The following PKDCC variants were observed in gnomAD, a reference collection of about 807,000 sequenced individuals.
PKDCC encodes the protein extracellular tyrosine-protein kinase PKDCC.
PKDCC carries 35 observed loss-of-function variants against 44.7 expected under a neutral mutation model. That is an observed-to-expected ratio of 0.78 (90% CI 0.60 to 1.04). PKDCC has a LOEUF of 1.04. PKDCC is among the 50% of genes least tolerant of loss of function. PKDCC has a pLI of 0.00. For missense variants in PKDCC, 738 were observed against 672.7 expected (o/e 1.10, Z -1.07); for synonymous variants, 353 against 303.3 (o/e 1.16, Z -1.70).
chr2:42,049,421 G>A (rs1667931506), intron 1 of PKDCC, among the ~76,000 whole-genome samples: 1 of 152,072 alleles, frequency 6.6e-6, no homozygotes, highest in African/African-American at 2.4e-5. Flanking sequence ...AGGGGGCTGG[G>A]GAGCAGGCTA....
In PKDCC at chr2:42,055,998, G is replaced by C. The variant is rs2103931557; in HGVS notation, c.1222+605G>C. ...AAGCCCTGGGGTTTAGCTGGGGTTGGCAGGGGTTGAGGGGTGAGCAGGTTT... is the reference window on the plus strand; with the variant it reads ...AAGCCCTGGGGTTTAGCTGGGGTTGCCAGGGGTTGAGGGGTGAGCAGGTTT... On this transcript the variant is annotated intron_variant, in intron 5 of 6. Coordinates refer to ENST00000294964, the MANE Select transcript of PKDCC (RefSeq NM_138370.3). The surrounding 1 kb of genome is among the most constrained non-coding windows in gnomAD (Gnocchi z 4.5). Among the ~76,000 whole-genome samples, 1 of 152,298 alleles carries C rather than the reference G, an allele frequency of 6.6e-6. No homozygotes were observed. The highest frequency in any genetic ancestry group is 2.1e-4 in the South Asian group (1 of 4,826).
chr2:42,054,829 C>G lies in PKDCC; in HGVS notation c.1035-112C>G, dbSNP rs1668026159. On this transcript the variant is annotated intron_variant, in intron 3 of 6. Coordinates refer to ENST00000294964, the MANE Select transcript of PKDCC (RefSeq NM_138370.3). This position sits in a 1 kb window ranked among gnomAD's most constrained non-coding sequence, Gnocchi z 6.1. ...CACTGCGTTCTGCCTGGTTGCTAGG[C>G]CTGAGGGATCCGGCTCCCTGGCCAG... 9 of 1,003,782 alleles carry G rather than the reference C, an allele frequency of 9.0e-6. 1 individual carries two copies. In the South Asian group the frequency reaches 1.2e-4, roughly 14 times the overall value. The allele number at this position is 1,003,782 out of a possible 1,614,324, so 62.2% of individuals were successfully genotyped here. A position where few individuals can be genotyped will look rare whatever the true frequency, so the allele number is the denominator to read the frequency against.
chr2:42,057,348 T>A lies in PKDCC; in HGVS notation c.1350T>A (p.His450Gln). The change falls in exon 6 of 7, where the codon CAT becomes CAA. Residue 450 changes from histidine to glutamine, a missense_variant. Transcript: ENST00000294964. ...LAEAVDVCES[H>Q]AQCRAFVVTN... ...AGGCTGTGGATGTCTGTGAGAGCCA[T>A]GCCCAGTGTCGGGCCTTTGTGGTCA... is the stretch of plus-strand genomic sequence containing the variant. 1 of 1,614,208 alleles carries A rather than the reference T, an allele frequency of 6.2e-7. No individual in the cohort carries two copies. The highest frequency in any genetic ancestry group is 8.5e-7 in the Non-Finnish European group (1 of 1,180,038).
In PKDCC at chr2:42,057,219, A is replaced by G. The variant is rs113026646; in HGVS notation, c.1223-2A>G. On this transcript the variant is annotated splice_acceptor_variant, in intron 5 of 6. Coordinates refer to ENST00000294964, the MANE Select transcript of PKDCC (RefSeq NM_138370.3). LOFTEE classifies it high-confidence loss of function. ...TCATTTTACTCCATCCCCAACCCAC[A>G]GAGTACCAGTGTATCCCAGACAGCA... 6.2e-7 allele frequency: 1 copy of G among 1,613,988 alleles called. No individual in the cohort carries two copies. The highest frequency in any genetic ancestry group is 8.5e-7 in the Non-Finnish European group (1 of 1,179,866).
In PKDCC at chr2:42,048,256, C is replaced by A. The variant is rs1667900817; in HGVS notation, c.57C>A (p.Gly19=). ...GTTTCTGCGCCTCCTTCCTGCTGGGCTCCGTCCTCAACGTGCTCTTCGCTC... is the reference window on the plus strand; with the variant it reads ...GTTTCTGCGCCTCCTTCCTGCTGGGATCCGTCCTCAACGTGCTCTTCGCTC... ...AAGFCASFLL[G]SVLNVLFAPG... The change falls in exon 1 of 7, where the codon GGC becomes GGA. Residue 19 remains glycine (G), a synonymous_variant. Coordinates refer to ENST00000294964, the MANE Select transcript of PKDCC (RefSeq NM_138370.3). The surrounding 1 kb of genome is among the most constrained non-coding windows in gnomAD (Gnocchi z 6.2). 7.8e-7 allele frequency: 1 copy of A among 1,284,486 alleles called. No homozygotes were observed. The highest frequency in any genetic ancestry group is 3.8e-5 in the East Asian group (1 of 26,446). 79.6% of individuals were successfully genotyped at this position (1,284,486 alleles called of 1,614,324 possible). A position where few individuals can be genotyped will look rare whatever the true frequency, so the allele number is the denominator to read the frequency against.
rs377080718 is a variant in PKDCC, at chr2:42,053,236, C to T, written c.640-3C>T. 3.4e-5 allele frequency: 55 copies of T among 1,607,170 alleles called. No individual in the cohort carries two copies. In the African/African-American group the frequency reaches 6.7e-4, roughly 20 times the overall value. ...CTAATGACCTGCCCTCGGCTTTCCC[C>T]AGCTCTATGGCTACTGCTACCAGGA... On this transcript the variant is annotated splice_region_variant and splice_polypyrimidine_tract_variant and intron_variant, in intron 1 of 6. Transcript: ENST00000294964.
chr2:42,049,752 C>T (rs1330617546), intron 1 of PKDCC, among the ~76,000 whole-genome samples: 1 of 152,224 alleles, frequency 6.6e-6, no homozygotes, highest in African/African-American at 2.4e-5. Flanking sequence ...ACCGCCCTAA[C>T]ACTCCACGTC....
chr2:42,053,689 G>T, intron 2 of PKDCC: 2 of 518,908 alleles, frequency 3.9e-6, no homozygotes, highest in Non-Finnish European at 6.8e-6. Context: ...AACTAGGAAA[G>T]ACCTTAATAC....
chr2:42,056,056 T>C (rs1668048144), intron 5 of PKDCC, among the ~76,000 whole-genome samples: 1 of 151,984 alleles, frequency 6.6e-6, no homozygotes, highest in East Asian at 1.9e-4. Flanking sequence ...GTCTTAGGGG[T>C]GGGGGAGCCC....
intron 5 of PKDCC, 26 bp from the exon 6 acceptor site, chr2:42,057,195 C>T: frequency 1.2e-6 from 2 of 1,611,912 alleles, no homozygotes; most frequent in East Asian, 2.2e-5. Context: ...ACAGAATTCT[C>T]ATTTTACTCC....
Position 42,051,662 on chromosome 2 carries a change from C to A in PKDCC, c.640-1577C>A, listed in dbSNP as rs571131180. Among the ~76,000 whole-genome samples the A allele has an allele frequency of 6.6e-6, 1 of 152,116 alleles. No homozygotes were observed. Among genetic ancestry groups the A allele is most frequent in the Non-Finnish European group, 1.5e-5 (1 of 67,998 alleles). On this transcript the variant is annotated intron_variant, in intron 1 of 6. Transcript: ENST00000294964. The surrounding 1 kb of genome is among the most constrained non-coding windows in gnomAD (Gnocchi z 4.2). ...AGGGCTGTTCCCCTTACCTTCCCCC[C>A]ACCCCACCAGGGTCTGGGGCTTCCC... is the stretch of plus-strand genomic sequence containing the variant.
At chr2:42,053,152 G>A in intron 1 of PKDCC, 87 bp from the exon 2 acceptor site, 1 of 1,402,244 alleles carries the variant, frequency 7.1e-7, no homozygotes, top group East Asian at 2.3e-5. Flanking sequence ...ATGGTGGGAG[G>A]AGAGAGAGGG....
rs1266841826 is a variant in PKDCC at position 42,053,460 on chromosome 2, A to G, written c.762+99A>G. The G allele has an allele frequency of 6.9e-6, 10 of 1,452,246 alleles. No homozygotes were observed. The African/African-American group carries it at 8.6e-5, about 12-fold the overall frequency. 90.0% of individuals were successfully genotyped at this position (1,452,246 alleles called of 1,614,324 possible). ...AGCAGCTCCCACTCCTCCTCCACCC[A>G]GGGAGAGGGAGGGGAGGAAGGCGCA... On this transcript the variant is annotated intron_variant, in intron 2 of 6. Coordinates refer to ENST00000294964, the MANE Select transcript of PKDCC (RefSeq NM_138370.3).
At position 42,054,402 on chromosome 2, in the gene PKDCC, G is replaced by A; in HGVS notation, c.1034+95G>A. 1 of 1,430,344 alleles carries A rather than the reference G, an allele frequency of 7.0e-7. No individual in the cohort carries two copies. The highest frequency in any genetic ancestry group is 9.5e-7 in the Non-Finnish European group (1 of 1,057,742). The allele number at this position is 1,430,344 out of a possible 1,614,324, so 88.6% of individuals were successfully genotyped here. On this transcript the variant is annotated intron_variant, in intron 3 of 6. Coordinates refer to ENST00000294964, the MANE Select transcript of PKDCC (RefSeq NM_138370.3). The surrounding 1 kb of genome is among the most constrained non-coding windows in gnomAD (Gnocchi z 6.1). ...GCCAACGTGGAGGCCAGCTGGGCAG[G>A]GAGACTCAGCCTTGACCAGAGCAAG... is the stretch of plus-strand genomic sequence containing the variant.
Position 42,057,978 on chromosome 2 carries a change from C to G in PKDCC, c.*290C>G, listed in dbSNP as rs1034046231. The G allele has an allele frequency of 9.0e-5, 41 of 454,768 alleles. No individual in the cohort carries two copies. Among genetic ancestry groups the G allele is most frequent in the Non-Finnish European group, 2.4e-5 (6 of 250,982 alleles). The allele number at this position is 454,768 out of a possible 1,614,324, so 28.2% of individuals were successfully genotyped here. A position where few individuals can be genotyped will look rare whatever the true frequency, so the allele number is the denominator to read the frequency against. Reference sequence around the variant, plus strand: ...AAGCAAGCTCAGGCTAGTCTCCCCACTGGGGGCTGTGCCCCTCCCTGGGAC... The same window carrying G: ...AAGCAAGCTCAGGCTAGTCTCCCCAGTGGGGGCTGTGCCCCTCCCTGGGAC... On this transcript the variant is annotated 3_prime_UTR_variant, in exon 7 of 7. Transcript: ENST00000294964.
rs1421204784 is a variant in PKDCC, at chr2:42,048,609, A to G, written c.410A>G (p.Asn137Ser). ...CGCCTGGGCTGCGCCGCGCTTCGCA[A>G]CGTGTCCGGCGCGCAGTACATGGGC... ...GPRLGCAALR[N>S]VSGAQYMGSG... Residue 137 changes from asparagine (N) to serine (S), a missense_variant, in exon 1 of 7, where the codon AAC becomes AGC. Transcript: ENST00000294964. The surrounding 1 kb of genome is among the most constrained non-coding windows in gnomAD (Gnocchi z 6.2). 10 of 1,511,940 alleles carry G rather than the reference A, an allele frequency of 6.6e-6. No homozygotes were observed. Among genetic ancestry groups the G allele is most frequent in the Non-Finnish European group, 8.8e-6 (10 of 1,130,546 alleles). The allele number at this position is 1,511,940 out of a possible 1,614,324, so 93.7% of individuals were successfully genotyped here. A position where few individuals can be genotyped will look rare whatever the true frequency, so the allele number is the denominator to read the frequency against.
At chr2:42,053,159 A>G (rs887040985) in intron 1 of PKDCC, 80 bp from the exon 2 acceptor site, 2 of 1,435,334 alleles carry the variant, frequency 1.4e-6, no homozygotes, top group African/African-American at 1.4e-5. Context: ...GAGGAGAGAG[A>G]GGGGGAACCT....
At position 42,054,411 on chromosome 2, in the gene PKDCC, G is replaced by C; in HGVS notation, c.1034+104G>C. The C allele has an allele frequency of 7.3e-7, 1 of 1,364,178 alleles. No individual in the cohort carries two copies. The highest frequency in any genetic ancestry group is 1.0e-6 in the Non-Finnish European group (1 of 1,003,552). The allele number at this position is 1,364,178 out of a possible 1,614,324, so 84.5% of individuals were successfully genotyped here. On this transcript the variant is annotated intron_variant, in intron 3 of 6. Transcript: ENST00000294964. The surrounding 1 kb of genome is among the most constrained non-coding windows in gnomAD (Gnocchi z 6.1). ...GAGGCCAGCTGGGCAGGGAGACTCA[G>C]CCTTGACCAGAGCAAGGGAAGGCTT...
Position 42,054,926 on chromosome 2 carries a change from T to C in PKDCC, c.1035-15T>C. 1 of 1,609,282 alleles carries C rather than the reference T, an allele frequency of 6.2e-7. No homozygotes were observed. The highest frequency in any genetic ancestry group is 8.5e-7 in the Non-Finnish European group (1 of 1,175,614). ...AAGGCTGGATTCCTGAGCCACTGGTTTCCCTCTGCCACAGGTTTTTCTTCA... is the reference window on the plus strand; with the variant it reads ...AAGGCTGGATTCCTGAGCCACTGGTCTCCCTCTGCCACAGGTTTTTCTTCA... On this transcript the variant is annotated splice_polypyrimidine_tract_variant and intron_variant, in intron 3 of 6. Coordinates refer to ENST00000294964, the MANE Select transcript of PKDCC (RefSeq NM_138370.3). This position sits in a 1 kb window ranked among gnomAD's most constrained non-coding sequence, Gnocchi z 6.1.
Sources: allele counts gnomAD v4.1 joint callset (sites outside exome capture counted in the v4.1 genomes callset), GRCh38; gene constraint gnomAD v4.1.1; non-coding constraint Gnocchi (gnomAD v3.1); transcripts MANE v1.5; gene names NCBI Gene and HGNC (gene_info 2026-07-23, HGNC 2026-07-21).